Variants in GATM observed in about 807,000 individuals in gnomAD.
GATM encodes the protein glycine amidinotransferase, mitochondrial.
In GATM, 23 loss-of-function variants were observed where a neutral mutation model predicts 54.2. The ratio of observed to expected loss-of-function variants is 0.42; its 90% CI spans 0.31 to 0.60. GATM has a LOEUF of 0.60. Among genes scored for constraint, GATM ranks in the 20% least tolerant of loss-of-function variants. The probability of loss-of-function intolerance (pLI) is 0.14; values close to 1 mark genes in which losing one functional copy is unlikely to be tolerated. For synonymous variants in GATM, 168 were observed against 183.1 expected, an observed-to-expected ratio of 0.92 and a Z score of 0.67; for missense variants, 401 against 544.9, an observed-to-expected ratio of 0.74 and a Z score of 2.63.
chr15:45,390,429 T>C (rs1012572757), intron 3 of GATM, among the ~76,000 whole-genome samples: 20 of 152,368 alleles, frequency 1.3e-4, no homozygotes, highest in African/African-American at 4.8e-4. Flanking sequence ...AAGAAAGGAA[T>C]GAAAATTATT....
At position 45,366,215 on chromosome 15, in the gene GATM, A is replaced by G; in HGVS notation, c.814-5T>C. 9.3e-6 allele frequency: 15 copies of G among 1,614,160 alleles called. No homozygotes were observed. Among genetic ancestry groups the G allele is most frequent in the Non-Finnish European group, 1.3e-5 (15 of 1,179,996 alleles). On this transcript the variant is annotated splice_region_variant and splice_polypyrimidine_tract_variant and intron_variant, in intron 5 of 8. Coordinates refer to ENST00000396659, the MANE Select transcript of GATM (RefSeq NM_001482.3). ...AATGCCTAGGTAGTTTGTAACCTGA[A>G]AACAAAAGAAAGACATACGATCGAT...
upstream of GATM, among the ~76,000 whole-genome samples, chr15:45,381,922 C>G (rs192231021): frequency 1.4e-4 from 22 of 152,308 alleles, no homozygotes; most frequent in East Asian, 4.0e-3. Flanking sequence ...TACTGATAAC[C>G]TAAGTTGTCC....
intron 3 of GATM, among the ~76,000 whole-genome samples, chr15:45,386,666 G>C (rs183267864): frequency 1.3e-4 from 20 of 152,306 alleles, no homozygotes; most frequent in African/African-American, 4.8e-4. Context: ...TGTCTCGCTT[G>C]TTGCTGGTAG....
chr15:45,366,642 C>G (rs1051024728), intron 4 of GATM, 134 bp from the exon 5 acceptor site: 40 of 969,974 alleles, frequency 4.1e-5, no homozygotes, highest in Non-Finnish European at 5.8e-5. Flanking sequence ...CTAAAACATG[C>G]CTGGGAAAGA....
intron 1 of GATM, 169 bp downstream of exon 1, chr15:45,378,216 C>T: frequency 1.9e-6 from 1 of 523,088 alleles, no homozygotes; most frequent in East Asian, 3.6e-5. Context: ...TGCGAAGGCT[C>T]TTGAAGCTGA....
intron 3 of GATM, among the ~76,000 whole-genome samples, chr15:45,386,428 T>G (rs913698877): frequency 6.6e-6 from 1 of 152,200 alleles, no homozygotes; most frequent in Non-Finnish European, 1.5e-5. Flanking sequence ...TGTGTCTGCT[T>G]AGAAACAACT....
At chr15:45,401,294 A>G (rs1175330235) in intron 1 of GATM, among the ~76,000 whole-genome samples, 2 of 152,084 alleles carry the variant, frequency 1.3e-5, no homozygotes, top group African/African-American at 4.8e-5. Context: ...ATATTACTAC[A>G]CAGTCTGTAA....
intron 3 of GATM, among the ~76,000 whole-genome samples, chr15:45,389,615 T>A (rs1221043128): frequency 1.3e-5 from 2 of 152,118 alleles, no homozygotes; most frequent in African/African-American, 4.8e-5. Context: ...AGGTAATTTG[T>A]GTATTTTTTG....
chr15:45,369,217 T>C lies in GATM; in HGVS notation c.484+109A>G, dbSNP rs115600686. The C allele has an allele frequency of 1.5e-4, 131 of 849,892 alleles. No individual in the cohort carries two copies. The African/African-American group carries it at 2.2e-3, about 14-fold the overall frequency. The allele number at this position is 849,892 out of a possible 1,614,324, so 52.6% of individuals were successfully genotyped here. A position where few individuals can be genotyped will look rare whatever the true frequency, so the allele number is the denominator to read the frequency against. On this transcript the variant is annotated intron_variant, in intron 3 of 8. Transcript: ENST00000396659. ...ATAAATCTTTAAAGTTTTCAAGAAC[T>C]AGCAAAGCAAAGGACTCTCCAAGAA...
chr15:45,396,321 C>T (rs1246092931), intron 3 of GATM: 1 of 152,230 alleles, frequency 6.6e-6, no homozygotes, highest in Non-Finnish European at 1.5e-5. Context: ...TTTAGATAAA[C>T]TAAATTGTCA....
In GATM at chr15:45,362,014, C is replaced by T; in HGVS notation, c.*95G>A. 3.9e-6 allele frequency: 3 copies of T among 779,084 alleles called. No homozygotes were observed. Among genetic ancestry groups the T allele is most frequent in the Non-Finnish European group, 6.9e-6 (3 of 435,282 alleles). The allele number at this position is 779,084 out of a possible 1,614,324, so 48.3% of individuals were successfully genotyped here. ...GTTAAGGAGATGATTGTTTAAAGCA[C>T]TACAGTTCATGCACTTTTTAAAGCA... On this transcript the variant is annotated 3_prime_UTR_variant, in exon 9 of 9. Transcript: ENST00000396659.
intron 3 of GATM, among the ~76,000 whole-genome samples, chr15:45,384,409 T>A (rs1310244829): frequency 1.3e-5 from 2 of 152,128 alleles, no homozygotes; most frequent in East Asian, 3.8e-4. Context: ...CCAGAACTAG[T>A]ATAAGGCCTC....
At chr15:45,391,918 G>A (rs73428134) in intron 3 of GATM, among the ~76,000 whole-genome samples, 2,577 of 152,278 alleles carry the variant, frequency 0.017, 74 homozygotes, top group African/African-American at 0.058. Context: ...ACAGTGGCAG[G>A]CCCTATGGCA....
Position 45,361,912 on chromosome 15 carries a change from A to G in GATM, c.*197T>C. ...CCAAATAGTAAATAACTTTAGGAGT[A>G]GAGAGTAATACCTAGCAGAAGTTAT... On this transcript the variant is annotated 3_prime_UTR_variant, in exon 9 of 9. Transcript: ENST00000396659. The G allele has an allele frequency of 1.7e-6, 1 of 588,680 alleles. No individual in the cohort carries two copies. The highest frequency in any genetic ancestry group is 3.0e-6 in the Non-Finnish European group (1 of 331,258). The allele number at this position is 588,680 out of a possible 1,614,324, so 36.5% of individuals were successfully genotyped here.
At chr15:45,370,147 G>A (rs1011272214) in intron 2 of GATM, among the ~76,000 whole-genome samples, 2 of 152,092 alleles carry the variant, frequency 1.3e-5, no homozygotes, top group Non-Finnish European at 2.9e-5. Flanking sequence ...AGGCTGAGGC[G>A]GGCAGATAGC....
At chr15:45,369,605 G>T in intron 2 of GATM, 84 bp from the exon 3 acceptor site, 1 of 1,212,204 alleles carries the variant, frequency 8.2e-7, no homozygotes. Context: ...ACAGCTCTTT[G>T]TATAAGGTAT....
intron 1 of GATM, among the ~76,000 whole-genome samples, chr15:45,401,447 G>GTA (rs1439069649): frequency 6.6e-6 from 1 of 152,146 alleles, no homozygotes; most frequent in Non-Finnish European, 1.5e-5. Flanking sequence ...TAAAAACAAG[G>GTA]TATATCTTCT....
chr15:45,366,972 T>C (rs568482860), intron 4 of GATM, among the ~76,000 whole-genome samples: 169 of 152,254 alleles, frequency 1.1e-3, no homozygotes, highest in African/African-American at 3.9e-3. Flanking sequence ...ACAAAATATA[T>C]AGAGTTCAGT....
At position 45,378,376 on chromosome 15, in the gene GATM, CGCACGCACCCGAGATCCGATGTAGT is replaced by C; in HGVS notation, c.53_69+8del. ...CGCGGCCGCCAGACGAGGCCGGTGG[CGCACGCACCCGAGATCCGATGTAGT>C]GCACCGCCTCGGCGCCGCGGCTCCC... On this transcript the variant is annotated splice_donor_variant and splice_donor_5th_base_variant and coding_sequence_variant and intron_variant, in exon 1 of 9. Coordinates refer to ENST00000396659, the MANE Select transcript of GATM (RefSeq NM_001482.3). LOFTEE classifies it high-confidence loss of function. The C allele has an allele frequency of 6.6e-7, 1 of 1,516,380 alleles. No individual in the cohort carries two copies. Among genetic ancestry groups the C allele is most frequent in the Non-Finnish European group, 8.8e-7 (1 of 1,137,814 alleles). The allele number at this position is 1,516,380 out of a possible 1,614,324, so 93.9% of individuals were successfully genotyped here. A position where few individuals can be genotyped will look rare whatever the true frequency, so the allele number is the denominator to read the frequency against.
Sources: gnomAD v4.1 joint callset for allele counts (sites outside exome capture counted in the v4.1 genomes callset) on GRCh38, gnomAD v4.1.1 for gene constraint, MANE v1.5 for transcripts, NCBI Gene and HGNC (gene_info 2026-07-23, HGNC 2026-07-21) for gene names.